CFAP299: variants seen among roughly 807,000 people sequenced by gnomAD.
CFAP299 encodes cilia and flagella associated protein 299.
In CFAP299, 21 loss-of-function variants were observed where a neutral mutation model predicts 27.0. That is an observed-to-expected ratio of 0.78 (90% CI 0.55 to 1.12). The LOEUF (loss-of-function observed/expected upper bound fraction) is 1.12. CFAP299 is among the 50% of genes most tolerant of loss of function. CFAP299 has a pLI of 0.00. For missense variants in CFAP299, 310 were observed against 276.6 expected, an observed-to-expected ratio of 1.12 and a Z score of -0.86; for synonymous variants, 104 against 98.1, an observed-to-expected ratio of 1.06 and a Z score of -0.36.
At chr4:80,513,640 A>G (rs1732429456) in intron 2 of CFAP299, among the ~76,000 whole-genome samples, 1 of 152,174 alleles carries the variant, frequency 6.6e-6, no homozygotes, top group South Asian at 2.1e-4. Flanking sequence ...TGAATGTAGC[A>G]CAATGTCTGC....
chr4:80,640,578 A>G (rs1270853512), intron 3 of CFAP299, among the ~76,000 whole-genome samples: 1 of 152,164 alleles, frequency 6.6e-6, no homozygotes, highest in Admixed American at 6.5e-5. Context: ...TCTCCATATA[A>G]TGCTGAGAAA....
At chr4:80,849,812 A>G (rs1299584402) in intron 3 of CFAP299, among the ~76,000 whole-genome samples, 1 of 152,104 alleles carries the variant, frequency 6.6e-6, no homozygotes, top group Non-Finnish European at 1.5e-5. Context: ...ATTGCACAGT[A>G]GGGGGACTAT....
intron 3 of CFAP299, among the ~76,000 whole-genome samples, chr4:80,822,800 A>G (rs1729774789): frequency 6.6e-6 from 1 of 152,236 alleles, no homozygotes; most frequent in Non-Finnish European, 1.5e-5. Context: ...TGATTTATCA[A>G]TGATACAGTA....
chr4:80,586,896 A>G (rs1278418873), intron 3 of CFAP299, among the ~76,000 whole-genome samples: 1 of 152,118 alleles, frequency 6.6e-6, no homozygotes, highest in Non-Finnish European at 1.5e-5. Flanking sequence ...TGGCTTTGAA[A>G]TATGCATTAT....
intron 2 of CFAP299, among the ~76,000 whole-genome samples, chr4:80,490,999 T>C (rs1731102482): frequency 7.2e-6 from 1 of 139,154 alleles, no homozygotes; most frequent in Non-Finnish European, 1.6e-5. Context: ...TCAACAGTGC[T>C]CAAGTAGTTT....
At chr4:80,533,456 A>T (rs934736150) in intron 2 of CFAP299, among the ~76,000 whole-genome samples, 3 of 152,058 alleles carry the variant, frequency 2.0e-5, no homozygotes, top group Admixed American at 6.5e-5. Context: ...GCTAGAAAAA[A>T]TTTTTTGCCA....
At chr4:80,331,914 C>T (rs953388453), upstream of CFAP299, among the ~76,000 whole-genome samples, 1 of 152,072 alleles carries the variant, frequency 6.6e-6, no homozygotes, top group Non-Finnish European at 1.5e-5. Flanking sequence ...GGAGAGAACC[C>T]TGAGACTCTC....
intron 3 of CFAP299, among the ~76,000 whole-genome samples, chr4:80,676,049 A>G (rs982464883): frequency 1.3e-5 from 2 of 152,290 alleles, no homozygotes; most frequent in East Asian, 1.9e-4. Flanking sequence ...GGCTGCACCC[A>G]CTGTCTGACC....
intron 3 of CFAP299, among the ~76,000 whole-genome samples, chr4:80,599,197 C>G (rs1737207262): frequency 6.6e-6 from 1 of 152,216 alleles, no homozygotes; most frequent in Non-Finnish European, 1.5e-5. Flanking sequence ...TTATGGATCT[C>G]TGTCCTCCCA....
At chr4:80,961,699 A>G (rs1271155379) in intron 5 of CFAP299, among the ~76,000 whole-genome samples, 1 of 151,944 alleles carries the variant, frequency 6.6e-6, no homozygotes, top group African/African-American at 2.4e-5. Flanking sequence ...TATTAACCAC[A>G]TATCAAAAGT....
At chr4:80,803,872 G>A (rs1728735090) in intron 3 of CFAP299, among the ~76,000 whole-genome samples, 1 of 151,836 alleles carries the variant, frequency 6.6e-6, no homozygotes, top group Non-Finnish European at 1.5e-5. Context: ...TAGTCTGTTT[G>A]TGCTGTTACA....
chr4:80,651,228 A>T (rs1313425130), intron 3 of CFAP299, among the ~76,000 whole-genome samples: 1 of 151,382 alleles, frequency 6.6e-6, no homozygotes, highest in Non-Finnish European at 1.5e-5. Context: ...CAGTGACCCA[A>T]ATCTAAGAAT....
At chr4:80,495,317 A>G (rs1438824855) in intron 2 of CFAP299, among the ~76,000 whole-genome samples, 2 of 152,228 alleles carry the variant, frequency 1.3e-5, no homozygotes, top group Admixed American at 1.3e-4. Context: ...TTTTGCCTAT[A>G]TATTTAAAAC....
chr4:80,365,639 G>A (rs1723788135), intron 2 of CFAP299, among the ~76,000 whole-genome samples: 1 of 152,206 alleles, frequency 6.6e-6, no homozygotes, highest in Non-Finnish European at 1.5e-5. Flanking sequence ...TGTTTGAAAT[G>A]TGTCTTATGT....
intron 3 of CFAP299, among the ~76,000 whole-genome samples, chr4:80,598,992 G>C (rs1737194405): frequency 6.6e-6 from 1 of 152,136 alleles, no homozygotes; most frequent in Non-Finnish European, 1.5e-5. Context: ...ATGGTATGCG[G>C]CATGCCTAAA....
intron 3 of CFAP299, among the ~76,000 whole-genome samples, chr4:80,614,105 C>T (rs1279911071): frequency 6.6e-6 from 1 of 152,122 alleles, no homozygotes; most frequent in Non-Finnish European, 1.5e-5. Flanking sequence ...TTTGTATTCC[C>T]CTTTTCATTT....
chr4:80,363,568 A>C (rs969548840), intron 2 of CFAP299, among the ~76,000 whole-genome samples: 1 of 152,184 alleles, frequency 6.6e-6, no homozygotes. Context: ...CATCTTTAAA[A>C]TTACCCAGTA....
chr4:80,621,999 G>T (rs775967720), intron 3 of CFAP299, among the ~76,000 whole-genome samples: 7 of 152,032 alleles, frequency 4.6e-5, no homozygotes, highest in Non-Finnish European at 8.8e-5. Flanking sequence ...GAAAGTTTTG[G>T]CTGACAGAGA....
intron 4 of CFAP299, among the ~76,000 whole-genome samples, chr4:80,932,771 G>A (rs1362981241): frequency 6.6e-6 from 1 of 152,056 alleles, no homozygotes; most frequent in Non-Finnish European, 1.5e-5. Flanking sequence ...ATGATTTGTA[G>A]GTGTGGAGAC....
Sources: gnomAD v4.1 joint callset for allele counts (sites outside exome capture counted in the v4.1 genomes callset) on GRCh38, gnomAD v4.1.1 for gene constraint, MANE v1.5 for transcripts, NCBI Gene and HGNC (gene_info 2026-07-23, HGNC 2026-07-21) for gene names.